The following RPS5 variants were observed in gnomAD, a reference collection of about 807,000 sequenced individuals.
RPS5 encodes the protein small ribosomal subunit protein uS7.
In RPS5, 2 loss-of-function variants were observed where a neutral mutation model predicts 20.9. The ratio of observed to expected loss-of-function variants is 0.10; its 90% CI spans 0.04 to 0.30. RPS5 has a LOEUF of 0.30. Ranked by LOEUF, RPS5 falls within the 10% of genes least tolerant of loss-of-function variation. RPS5 has a pLI of 1.00. For missense variants in RPS5, 122 were observed against 287.2 expected, an observed-to-expected ratio of 0.42 and a Z score of 4.16; for synonymous variants, 112 against 105.8, an observed-to-expected ratio of 1.06 and a Z score of -0.36.
At chr19:58,391,753 C>T (rs1391681968) in intron 2 of RPS5, among the ~76,000 whole-genome samples, 1 of 151,704 alleles carries the variant, frequency 6.6e-6, no homozygotes, top group Non-Finnish European at 1.5e-5. Context: ...TGTCCAAACC[C>T]CAGCTCTACT....
chr19:58,389,842 G>C (rs2052351847), intron 2 of RPS5, among the ~76,000 whole-genome samples: 1 of 151,196 alleles, frequency 6.6e-6, no homozygotes, highest in Admixed American at 6.6e-5. Flanking sequence ...TCACCATGTT[G>C]GTTAGGCTGG....
rs534549948 is a variant in RPS5, at chr19:58,391,301, G to GT, written c.109-1674dup. 2.1e-3 allele frequency among the ~76,000 whole-genome samples: 310 copies of GT among 151,144 alleles called. 2 individuals carry two copies. Among genetic ancestry groups the GT allele is most frequent in the African/African-American group, 7.2e-3 (297 of 41,142 alleles). Reference sequence around the variant, plus strand: ...ACAAAAATTAGCCTTGCATGGTGGCGTGCACCTGTTGTCCCAGCTACTTAG... The same window carrying GT: ...ACAAAAATTAGCCTTGCATGGTGGCGTTGCACCTGTTGTCCCAGCTACTTAG... On this transcript the variant is annotated intron_variant, in intron 2 of 5. Coordinates refer to ENST00000196551, the MANE Select transcript of RPS5 (RefSeq NM_001009.4).
chr19:58,393,996 T>A (rs1442306201), intron 4 of RPS5: 2 of 168,424 alleles, frequency 1.2e-5, no homozygotes, highest in African/African-American at 2.4e-5. Flanking sequence ...TAGAAATAAT[T>A]GAGATGGAAT....
intron 2 of RPS5, among the ~76,000 whole-genome samples, chr19:58,390,464 G>A (rs2052356070): frequency 2.3e-5 from 2 of 86,178 alleles, no homozygotes; most frequent in African/African-American, 8.6e-5. Context: ...TTGAGATGGA[G>A]TCGCTCTGTC....
At chr19:58,390,426 CTTTTTTTTTTTTTTTT>C (rs61279930) in intron 2 of RPS5, among the ~76,000 whole-genome samples, 6 of 47,662 alleles carry the variant, frequency 1.3e-4, no homozygotes, top group African/African-American at 2.7e-4. Flanking sequence ...GCCACTGTTA[CTTTTTTTTTTTTTTTT>C]TTTTTTTTTT....
chr19:58,391,214 C>T (rs1198860683), intron 2 of RPS5, among the ~76,000 whole-genome samples: 1 of 151,870 alleles, frequency 6.6e-6, no homozygotes, highest in Non-Finnish European at 1.5e-5. Flanking sequence ...GGCAGATCAT[C>T]TGAGGTCAGG....
intron 2 of RPS5, 55 bp downstream of exon 2, chr19:58,388,300 A>G (rs769189206): frequency 1.6e-6 from 2 of 1,224,010 alleles, no homozygotes; most frequent in Non-Finnish European, 2.4e-6. Flanking sequence ...TTATTCCAGG[A>G]AGGCACACAT....
In RPS5 at chr19:58,393,339, C is replaced by T; in HGVS notation, c.319-20C>T. The T allele has an allele frequency of 6.2e-7, 1 of 1,612,904 alleles. No individual in the cohort carries two copies. Among genetic ancestry groups the T allele is most frequent in the Middle Eastern group, 1.7e-4 (1 of 6,022 alleles). On this transcript the variant is annotated intron_variant, in intron 3 of 5. Transcript: ENST00000196551. ...AATGCATGGGGCTGGATGTCAGGCT[C>T]ATATCCCCCTTCTCTCTAGAACCCT...
At chr19:58,394,353 T>C (rs2052383394) in intron 4 of RPS5, 144 bp from the exon 5 acceptor site, 2 of 659,944 alleles carry the variant, frequency 3.0e-6, no homozygotes, top group African/African-American at 1.8e-5. Flanking sequence ...CTCTATCTGA[T>C]TGCAAATCAG....
chr19:58,390,139 G>T (rs2052353396), intron 2 of RPS5, among the ~76,000 whole-genome samples: 1 of 151,620 alleles, frequency 6.6e-6, no homozygotes, highest in South Asian at 2.1e-4. Context: ...CAGGTGATCA[G>T]CCTGCCTCAG....
chr19:58,394,460 G>A, intron 4 of RPS5, 37 bp from the exon 5 acceptor site: 1 of 1,585,818 alleles, frequency 6.3e-7, no homozygotes. Context: ...GAGGACCGCA[G>A]TCTGTCCTTC....
chr19:58,390,391 G>A (rs1180006231), intron 2 of RPS5, among the ~76,000 whole-genome samples: 3 of 112,334 alleles, frequency 2.7e-5, no homozygotes, highest in East Asian at 2.9e-4. Context: ...CCCAGATAAT[G>A]TTTTAGACTT....
In RPS5 at chr19:58,392,330, GAAAA is replaced by G. The variant is rs113119710; in HGVS notation, c.109-639_109-636del. On this transcript the variant is annotated intron_variant, in intron 2 of 5. Transcript: ENST00000196551. ...CAGCAAGACTCAGCCTCAAGGGGGG[GAAAA>G]AAAAAACTAGGCCAGGCGCAGTGGC... is the stretch of plus-strand genomic sequence containing the variant. Among the ~76,000 whole-genome samples the G allele has an allele frequency of 2.7e-3, 376 of 138,974 alleles. 5 individuals carry two copies. The highest frequency in any genetic ancestry group is 4.7e-3 in the Non-Finnish European group (290 of 62,308). 91.2% of individuals were successfully genotyped at this position (138,974 alleles called of 152,430 possible).
chr19:58,392,858 A>G, intron 2 of RPS5, 118 bp from the exon 3 acceptor site: 1 of 890,796 alleles, frequency 1.1e-6, no homozygotes, highest in East Asian at 2.7e-5. Context: ...GCATACCAGG[A>G]TCCCAGACAG....
intron 4 of RPS5, chr19:58,393,722 C>CTA (rs1933853204): frequency 7.5e-6 from 4 of 533,342 alleles, no homozygotes; most frequent in Non-Finnish European, 6.6e-6. Flanking sequence ...TATTTTTACA[C>CTA]TGTGTGTATA....
chr19:58,390,807 G>T (rs1307511068), intron 2 of RPS5, among the ~76,000 whole-genome samples: 3 of 152,096 alleles, frequency 2.0e-5, no homozygotes, highest in Non-Finnish European at 4.4e-5. Flanking sequence ...ATTTTTTGCT[G>T]CATAGTGAAA....
chr19:58,392,330 G>A (rs8110471), intron 2 of RPS5, among the ~76,000 whole-genome samples: 15,427 of 138,930 alleles, frequency 0.11, 2,679 homozygotes, highest in African/African-American at 0.37. Context: ...TCAAGGGGGG[G>A]AAAAAAAAAA....
chr19:58,391,027 C>T (rs528956150), intron 2 of RPS5, among the ~76,000 whole-genome samples: 5 of 152,292 alleles, frequency 3.3e-5, no homozygotes, highest in African/African-American at 1.2e-4. Context: ...CAGTCTCCTT[C>T]GAATGCACAT....
Position 58,394,480 on chromosome 19 carries a change from C to G in RPS5, c.448-17C>G, listed in dbSNP as rs1392004981. The stretch of plus-strand genomic sequence containing the variant: ...CCGCAGTCTGTCCTTCTAGCCTGAC[C>G]CCTGCTGTCTTCCTAGGCCATCTGG... On this transcript the variant is annotated splice_polypyrimidine_tract_variant and intron_variant, in intron 4 of 5. Coordinates refer to ENST00000196551, the MANE Select transcript of RPS5 (RefSeq NM_001009.4). 4 of 1,611,424 alleles carry G rather than the reference C, an allele frequency of 2.5e-6. No homozygotes were observed. In the Admixed American group the frequency reaches 5.0e-5, roughly 20 times the overall value.
Sources: gnomAD v4.1 joint callset for allele counts (sites outside exome capture counted in the v4.1 genomes callset) on GRCh38, gnomAD v4.1.1 for gene constraint, MANE v1.5 for transcripts, NCBI Gene and HGNC (gene_info 2026-07-23, HGNC 2026-07-21) for gene names.